Variants in PHKA1 observed in about 807,000 individuals in gnomAD.
PHKA1 encodes phosphorylase kinase regulatory subunit alpha 1, also known as phosphorylase b kinase regulatory subunit alpha, skeletal muscle isoform.
Under a neutral mutation model 110.2 loss-of-function variants are expected in PHKA1, and 60 were observed. The observed-to-expected ratio is 0.54, with a 90% confidence interval of 0.44 to 0.68. The LOEUF (loss-of-function observed/expected upper bound fraction) is 0.68, where lower values mean the gene tolerates loss of function less well. Ranked by LOEUF, PHKA1 falls within the 30% of genes least tolerant of loss-of-function variation. PHKA1 has a pLI of 0.00. For synonymous variants in PHKA1, 316 were observed against 333.6 expected (o/e 0.95, Z 0.58); for missense variants, 801 against 942.5 (o/e 0.85, Z 1.97).
At chrX:72,703,683 T>A (rs1020335200) in intron 3 of PHKA1, among the ~76,000 whole-genome samples, 3 of 111,518 alleles carry the variant, frequency 2.7e-5, no homozygotes, top group Admixed American at 1.9e-4. Flanking sequence ...GACCCCTATC[T>A]AAAAAGAAAA....
intron 6 of PHKA1, among the ~76,000 whole-genome samples, chrX:72,670,347 T>A (rs1247748025): frequency 8.9e-6 from 1 of 111,966 alleles, no homozygotes; most frequent in East Asian, 2.8e-4. Flanking sequence ...CTGATGGTAG[T>A]TTCTTTTGCT....
intron 12 of PHKA1, among the ~76,000 whole-genome samples, chrX:72,650,808 A>G (rs182162478): frequency 6.4e-4 from 71 of 111,320 alleles, no homozygotes; most frequent in African/African-American, 2.3e-3. Flanking sequence ...TGCAGCTTCA[A>G]CCTCCTGGGC....
chrX:72,615,074 C>T (rs2052872512), intron 21 of PHKA1, among the ~76,000 whole-genome samples: 1 of 109,765 alleles, frequency 9.1e-6, no homozygotes, highest in Non-Finnish European at 1.9e-5. Context: ...AGCCTAACGG[C>T]AGACTTCTCA....
chrX:72,636,221 A>G (rs1189447348), intron 15 of PHKA1, 56 bp downstream of exon 15: 12 of 750,036 alleles, frequency 1.6e-5, no homozygotes, highest in East Asian at 3.2e-5. Flanking sequence ...TATTTCTCCA[A>G]TGATTTTCTT....
At position 72,675,756 on chromosome X, in the gene PHKA1, G is replaced by A. The variant is rs782499581; in HGVS notation, c.618+314C>T. Among the ~76,000 whole-genome samples the A allele has an allele frequency of 7.2e-5, 8 of 110,482 alleles. No individual in the cohort carries two copies. The South Asian group carries it at 2.7e-3, about 38-fold the overall frequency. ...TATAAAGCTTGGTCAACTGGTAAAC[G>A]AAAGGAATAAAAGCCTTCTTTTGCT... is the stretch of plus-strand genomic sequence containing the variant. On this transcript the variant is annotated intron_variant, in intron 6 of 31. Transcript: ENST00000373542.
chrX:72,597,846 T>C (rs781819813), intron 28 of PHKA1, among the ~76,000 whole-genome samples: 81 of 111,326 alleles, frequency 7.3e-4, no homozygotes, highest in African/African-American at 2.6e-3. Flanking sequence ...GAGGGTGATC[T>C]TGGGGATCCC....
intron 15 of PHKA1, among the ~76,000 whole-genome samples, chrX:72,636,067 G>T (rs1219139470): frequency 9.0e-6 from 1 of 111,384 alleles, no homozygotes. Flanking sequence ...CAATACCCAG[G>T]GTTACTTTTG....
At chrX:72,595,736 A>G (rs1401768769) in intron 28 of PHKA1, among the ~76,000 whole-genome samples, 2 of 111,840 alleles carry the variant, frequency 1.8e-5, no homozygotes, top group African/African-American at 3.3e-5. Flanking sequence ...TCAAACCACA[A>G]TGAGCTATCA....
rs1556290860 is a variant in PHKA1, at chrX:72,635,185, T to A, written c.1684A>T (p.Ile562Phe). Reference sequence around the variant, plus strand: ...ATGCTGTGTGAGATGGGGAAGGTGATGGTGGGCTGGCCTGTCATCCGCCAG... The same window carrying A: ...ATGCTGTGTGAGATGGGGAAGGTGAAGGTGGGCTGGCCTGTCATCCGCCAG... ...SRWRMTGQPT[I>F]TFPISHSMLD... Residue 562 changes from isoleucine to phenylalanine, a missense_variant, in exon 16 of 32, where the codon ATC becomes TTC. Coordinates refer to ENST00000373542, the MANE Select transcript of PHKA1 (RefSeq NM_002637.4). 1 of 1,211,879 alleles carries A rather than the reference T, an allele frequency of 8.3e-7. No homozygotes were observed. The highest frequency in any genetic ancestry group is 2.2e-5 in the Admixed American group (1 of 46,071).
chrX:72,694,618 A>C (rs1055485183), intron 4 of PHKA1, among the ~76,000 whole-genome samples: 26 of 112,359 alleles, frequency 2.3e-4, no homozygotes, highest in African/African-American at 8.4e-4. Context: ...AGGCCTGATC[A>C]AATAATATCT....
At chrX:72,601,421 G>C (rs781940948) in intron 28 of PHKA1, among the ~76,000 whole-genome samples, 13 of 111,336 alleles carry the variant, frequency 1.2e-4, no homozygotes, top group Non-Finnish European at 1.9e-4. Context: ...AAATTACTAA[G>C]AGGGAAACAT....
At chrX:72,647,093 C>T (rs111716181) in intron 13 of PHKA1, among the ~76,000 whole-genome samples, 5,353 of 108,041 alleles carry the variant, frequency 0.05, 342 homozygotes, top group African/African-American at 0.17. Context: ...GATTGCGCCA[C>T]TGCACTCCAG....
At chrX:72,594,821 A>G (rs2052568767) in intron 28 of PHKA1, among the ~76,000 whole-genome samples, 2 of 112,457 alleles carry the variant, frequency 1.8e-5, no homozygotes, top group African/African-American at 6.5e-5. Flanking sequence ...ACGTTCCCAC[A>G]TAGTAGTAAA....
In PHKA1 at chrX:72,616,994, G is replaced by A. The variant is rs782156118; in HGVS notation, c.2369+1716C>T. ...AACATACCAAAAGATATGGGATACA[G>A]AAAATGCTATTCTAAGAGAGATGTT... On this transcript the variant is annotated intron_variant, in intron 21 of 31. Transcript: ENST00000373542. Among the ~76,000 whole-genome samples, 5 of 111,647 alleles carry A rather than the reference G, an allele frequency of 4.5e-5. No individual in the cohort carries two copies. In the East Asian group the frequency reaches 1.4e-3, roughly 31 times the overall value.
intron 6 of PHKA1, among the ~76,000 whole-genome samples, chrX:72,670,436 G>A (rs1432642305): frequency 4.5e-5 from 5 of 111,348 alleles, no homozygotes; most frequent in African/African-American, 6.5e-5. Flanking sequence ...TGTTTTAGAC[G>A]TGAAGGATAG....
chrX:72,651,855 G>A (rs1556299255), intron 12 of PHKA1, among the ~76,000 whole-genome samples: 2 of 111,785 alleles, frequency 1.8e-5, no homozygotes, highest in African/African-American at 6.5e-5. Flanking sequence ...GATCCTCTAG[G>A]AGCCTGGGTT....
intron 28 of PHKA1, among the ~76,000 whole-genome samples, chrX:72,601,111 C>T (rs1398283630): frequency 9.0e-5 from 10 of 111,276 alleles, no homozygotes; most frequent in Non-Finnish European, 1.5e-4. Context: ...ATAAAGCAAC[C>T]GCTCTCTATT....
At chrX:72,626,160 TG>T (rs2053064078) in intron 17 of PHKA1, among the ~76,000 whole-genome samples, 1 of 106,443 alleles carries the variant, frequency 9.4e-6, no homozygotes, top group African/African-American at 3.4e-5. Context: ...TATGGGAGGA[TG>T]TAGGGAGGAA....
intron 3 of PHKA1, among the ~76,000 whole-genome samples, chrX:72,704,434 T>C (rs1556331359): frequency 9.0e-6 from 1 of 111,442 alleles, no homozygotes; most frequent in East Asian, 2.8e-4. Flanking sequence ...CATAAGGTAA[T>C]ATATGGTGTA....
Sources: allele counts gnomAD v4.1 joint callset (sites outside exome capture counted in the v4.1 genomes callset), GRCh38; gene constraint gnomAD v4.1.1; transcripts MANE v1.5; gene names NCBI Gene and HGNC (gene_info 2026-07-23, HGNC 2026-07-21).